Variants in AP4E1 observed in about 807,000 individuals in gnomAD.
The protein encoded by AP4E1 is adaptor related protein complex 4 subunit epsilon 1, also known as AP-4 complex subunit epsilon-1.
Under a neutral mutation model 128.2 loss-of-function variants are expected in AP4E1, and 56 were observed. That is an observed-to-expected ratio of 0.44 (90% CI 0.35 to 0.55). The LOEUF (loss-of-function observed/expected upper bound fraction) is 0.55. Among genes scored for constraint, AP4E1 ranks in the 20% least tolerant of loss-of-function variants. AP4E1 has a pLI of 0.00. For synonymous variants in AP4E1, 484 were observed against 473.1 expected (o/e 1.02, Z -0.30); for missense variants, 1,324 against 1,307.7 (o/e 1.01, Z -0.19).
At chr15:50,979,802 A>G (rs533616817) in intron 15 of AP4E1, among the ~76,000 whole-genome samples, 1 of 151,880 alleles carries the variant, frequency 6.6e-6, no homozygotes, top group Non-Finnish European at 1.5e-5. Context: ...TGGAATTACC[A>G]CCCGGCCATA....
intron 16 of AP4E1, among the ~76,000 whole-genome samples, chr15:50,986,540 G>A (rs2064726811): frequency 6.6e-6 from 1 of 152,106 alleles, no homozygotes; most frequent in African/African-American, 2.4e-5. Flanking sequence ...TTTGTCAAAG[G>A]CCTTTTCTGC....
At chr15:50,942,996 G>A (rs1271226464) in intron 10 of AP4E1, among the ~76,000 whole-genome samples, 1 of 152,000 alleles carries the variant, frequency 6.6e-6, no homozygotes, top group African/African-American at 2.4e-5. Context: ...CACCCAAATA[G>A]TAAACATAGT....
intron 17 of AP4E1, among the ~76,000 whole-genome samples, chr15:50,995,961 C>G (rs2140932278): frequency 7.4e-6 from 1 of 135,598 alleles, no homozygotes; most frequent in South Asian, 2.4e-4. Flanking sequence ...GGGACAGTAA[C>G]AAGCAGTCTA....
At chr15:50,907,832 A>G (rs1326593871), upstream of AP4E1, among the ~76,000 whole-genome samples, 3 of 152,196 alleles carry the variant, frequency 2.0e-5, no homozygotes, top group African/African-American at 7.2e-5. Context: ...CCACATTTCG[A>G]GAGCCATTGT....
chr15:50,945,522 C>T lies in AP4E1; in HGVS notation c.1177-2498C>T, dbSNP rs75185654. On this transcript the variant is annotated intron_variant, in intron 10 of 20. Transcript: ENST00000261842. ...TGGATCATGTATCTGCAGTGCTTGA[C>T]ATGGATTACCCTCCCACTGGGAAAG... 3.3e-3 allele frequency: 2,488 copies of T among 745,026 alleles called. 48 individuals carry two copies. The African/African-American group carries it at 0.039, about 12-fold the overall frequency. 46.2% of individuals were successfully genotyped at this position (745,026 alleles called of 1,614,324 possible). A position where few individuals can be genotyped will look rare whatever the true frequency, so the allele number is the denominator to read the frequency against.
chr15:50,958,859 T>C, intron 14 of AP4E1, 65 bp downstream of exon 14: 1 of 1,496,236 alleles, frequency 6.7e-7, no homozygotes, highest in South Asian at 1.1e-5. Flanking sequence ...ATTCTTGCAT[T>C]TGTGACATAT....
At chr15:50,940,294 AT>A (rs2063966782) in intron 8 of AP4E1, among the ~76,000 whole-genome samples, 1 of 152,174 alleles carries the variant, frequency 6.6e-6, no homozygotes, top group Non-Finnish European at 1.5e-5. Flanking sequence ...TTAAAGAAAA[AT>A]TAATATATCT....
At chr15:50,933,393 C>A (rs1476126655) in intron 7 of AP4E1, among the ~76,000 whole-genome samples, 1 of 152,022 alleles carries the variant, frequency 6.6e-6, no homozygotes, top group Non-Finnish European at 1.5e-5. Context: ...TATTTATGGT[C>A]TTTTATATCT....
chr15:50,909,033 C>T, intron 1 of AP4E1, 105 bp downstream of exon 1: 2 of 1,528,650 alleles, frequency 1.3e-6, no homozygotes, highest in Non-Finnish European at 1.8e-6. Flanking sequence ...GGTTAGCCCT[C>T]CGGCGGGGCT....
intron 14 of AP4E1, among the ~76,000 whole-genome samples, chr15:50,964,346 T>C (rs1419258391): frequency 2.0e-5 from 3 of 152,184 alleles, no homozygotes; most frequent in African/African-American, 4.8e-5. Flanking sequence ...TCTACCTCTG[T>C]TGAATTTCTC....
intron 10 of AP4E1, chr15:50,944,719 A>G (rs2064034709): frequency 3.8e-6 from 2 of 521,018 alleles, no homozygotes; most frequent in Admixed American, 3.0e-5. Context: ...ACCAAGTTGG[A>G]CTTACAGAGA....
intron 2 of AP4E1, among the ~76,000 whole-genome samples, chr15:50,913,319 A>G (rs756295885): frequency 6.6e-6 from 1 of 152,244 alleles, no homozygotes; most frequent in Non-Finnish European, 1.5e-5. Flanking sequence ...ACTAGATAGA[A>G]ACGTTAAACA....
chr15:50,958,852 C>A, intron 14 of AP4E1, 58 bp downstream of exon 14: 1 of 1,530,290 alleles, frequency 6.5e-7, no homozygotes, highest in East Asian at 2.3e-5. Context: ...CAGAGTAATT[C>A]TTGCATTTGT....
intron 7 of AP4E1, among the ~76,000 whole-genome samples, chr15:50,931,736 T>A (rs755244349): frequency 2.6e-5 from 4 of 152,046 alleles, no homozygotes; most frequent in Admixed American, 6.6e-5. Context: ...CATCATGAAG[T>A]ATTATTCTTT....
intron 3 of AP4E1, among the ~76,000 whole-genome samples, chr15:50,916,611 G>A (rs77298379): frequency 0.047 from 7,113 of 152,236 alleles, 166 homozygotes; most frequent in African/African-American, 0.072. Flanking sequence ...CAGATGACGG[G>A]GTGAAGGTGA....
At chr15:50,958,943 A>G in intron 14 of AP4E1, 149 bp downstream of exon 14, 3 of 897,892 alleles carry the variant, frequency 3.3e-6, no homozygotes, top group Non-Finnish European at 5.3e-6. Flanking sequence ...TTAGTATGAC[A>G]GGGAATCTGA....
intron 5 of AP4E1, 32 bp downstream of exon 5, chr15:50,925,251 G>T: frequency 1.3e-6 from 2 of 1,597,572 alleles, no homozygotes; most frequent in Non-Finnish European, 1.7e-6. Context: ...AGGCATCTAT[G>T]CCATATATTT....
chr15:50,964,987 A>ACG (rs1209695543), intron 14 of AP4E1, among the ~76,000 whole-genome samples: 1 of 150,716 alleles, frequency 6.6e-6, no homozygotes, highest in African/African-American at 2.4e-5. Context: ...ACACACACAC[A>ACG]CACACTGGAC....
At chr15:50,946,091 T>C (rs2064058289) in intron 10 of AP4E1, 3 of 604,894 alleles carry the variant, frequency 5.0e-6, no homozygotes, top group Non-Finnish European at 8.8e-6. Context: ...ATTAATTGCA[T>C]ACATTTTAGT....
Sources: allele counts gnomAD v4.1 joint callset (sites outside exome capture counted in the v4.1 genomes callset), GRCh38; gene constraint gnomAD v4.1.1; transcripts MANE v1.5; gene names NCBI Gene and HGNC (gene_info 2026-07-23, HGNC 2026-07-21).